Variants in CDH10 observed in about 807,000 individuals in gnomAD.
The protein encoded by CDH10 is cadherin 10, also known as cadherin-10.
In CDH10, 30 loss-of-function variants were observed where a neutral mutation model predicts 73.1. The ratio of observed to expected loss-of-function variants is 0.41; its 90% CI spans 0.31 to 0.56. The LOEUF (loss-of-function observed/expected upper bound fraction) is 0.56, where lower values mean the gene tolerates loss of function less well. CDH10 is among the 20% of genes least tolerant of loss of function. The pLI, the probability that CDH10 is intolerant of heterozygous loss-of-function variation, is 0.27. For synonymous variants in CDH10, 345 were observed against 348.2 expected, an observed-to-expected ratio of 0.99 and a Z score of 0.10; for missense variants, 815 against 973.7, an observed-to-expected ratio of 0.84 and a Z score of 2.17.
At chr5:24,559,834 T>C (rs750737725) in intron 2 of CDH10, among the ~76,000 whole-genome samples, 20 of 152,170 alleles carry the variant, frequency 1.3e-4, no homozygotes, top group Non-Finnish European at 2.4e-4. Flanking sequence ...ATTGAACTGA[T>C]TAAAATGCAA....
chr5:24,623,733 T>C (rs1381844256), intron 1 of CDH10, among the ~76,000 whole-genome samples: 1 of 152,146 alleles, frequency 6.6e-6, no homozygotes, highest in Non-Finnish European at 1.5e-5. Context: ...ACAAAGCAAG[T>C]AGAAGGCAGT....
At chr5:24,510,942 CT>C (rs1382105785) in intron 6 of CDH10, among the ~76,000 whole-genome samples, 1 of 152,148 alleles carries the variant, frequency 6.6e-6, no homozygotes, top group Non-Finnish European at 1.5e-5. Context: ...GCTTCATCAT[CT>C]GGATAGATGG....
chr5:24,544,917 C>T (rs538923627), intron 2 of CDH10, among the ~76,000 whole-genome samples: 1 of 152,144 alleles, frequency 6.6e-6, no homozygotes, highest in Non-Finnish European at 1.5e-5. Context: ...CAGAAACACA[C>T]TTTCACAGGC....
At chr5:24,605,498 T>C (rs971904961) in intron 1 of CDH10, among the ~76,000 whole-genome samples, 10 of 152,198 alleles carry the variant, frequency 6.6e-5, no homozygotes, top group East Asian at 1.9e-4. Context: ...CCTGAAATGA[T>C]TCCCCCAACA....
At chr5:24,559,606 T>G (rs1407189018) in intron 2 of CDH10, among the ~76,000 whole-genome samples, 1 of 152,008 alleles carries the variant, frequency 6.6e-6, no homozygotes, top group Non-Finnish European at 1.5e-5. Context: ...AAAATAGGTT[T>G]GTTCTGATAT....
Position 24,567,368 on chromosome 5 carries a change from T to C in CDH10, c.231+25892A>G, listed in dbSNP as rs373672603. 2.5e-3 allele frequency among the ~76,000 whole-genome samples: 369 copies of C among 148,876 alleles called. 2 individuals are homozygous for C. The highest frequency in any genetic ancestry group is 3.3e-3 in the Non-Finnish European group (225 of 67,328). ...ACACATTTGGAAAAAAAAAAGAAACTGTATGTGCACAAAAGGACCCAAAAT... is the reference window on the plus strand; with the variant it reads ...ACACATTTGGAAAAAAAAAAGAAACCGTATGTGCACAAAAGGACCCAAAAT... On this transcript the variant is annotated intron_variant, in intron 2 of 11. Coordinates refer to ENST00000264463, the MANE Select transcript of CDH10 (RefSeq NM_006727.5).
At chr5:24,576,123 T>C (rs1245743232) in intron 2 of CDH10, among the ~76,000 whole-genome samples, 1 of 152,114 alleles carries the variant, frequency 6.6e-6, no homozygotes, top group Non-Finnish European at 1.5e-5. Flanking sequence ...ATTTTTCTCA[T>C]GTGGAGAGAC....
intron 2 of CDH10, among the ~76,000 whole-genome samples, chr5:24,557,195 G>GT (rs201105617): frequency 0.15 from 8,967 of 60,102 alleles, 507 homozygotes; most frequent in African/African-American, 0.28. Context: ...ATTAACATCA[G>GT]TTTTTTTTAA....
intron 2 of CDH10, among the ~76,000 whole-genome samples, chr5:24,551,201 T>C (rs1295462734): frequency 1.3e-5 from 2 of 152,170 alleles, no homozygotes; most frequent in Non-Finnish European, 2.9e-5. Context: ...CCTCAGCCTT[T>C]TGCATTTACT....
Position 24,537,564 on chromosome 5 carries a change from T to G in CDH10, c.342A>C (p.Thr114=), listed in dbSNP as rs1170023826. Residue 114 remains threonine (T), a synonymous_variant, in exon 3 of 12, where the codon ACA becomes ACC. Transcript: ENST00000264463. ...IDEKTGDIHA[T]RRIDREEKAF... is the part of the protein sequence containing the mutation. ...CCTTTTCCTCCCTATCAATTCGCCT[T>G]GTGGCATGAATATCACCTGTTTTTT... 6.2e-7 allele frequency: 1 copy of G among 1,612,952 alleles called. No individual in the cohort carries two copies. The highest frequency in any genetic ancestry group is 8.5e-7 in the Non-Finnish European group (1 of 1,179,158).
At chr5:24,541,185 T>C (rs1579781744) in intron 2 of CDH10, among the ~76,000 whole-genome samples, 1 of 152,024 alleles carries the variant, frequency 6.6e-6, no homozygotes, top group East Asian at 1.9e-4. Context: ...TCTATTGATA[T>C]TGATGATTTC....
intron 1 of CDH10, among the ~76,000 whole-genome samples, chr5:24,610,928 T>C (rs981018282): frequency 6.6e-6 from 1 of 152,198 alleles, no homozygotes; most frequent in Non-Finnish European, 1.5e-5. Flanking sequence ...GCAATCAGTA[T>C]TTAGTAAAAG....
intron 2 of CDH10, among the ~76,000 whole-genome samples, chr5:24,552,905 A>T (rs1334616871): frequency 6.6e-6 from 1 of 152,078 alleles, no homozygotes; most frequent in Non-Finnish European, 1.5e-5. Flanking sequence ...GACAGATTCC[A>T]AAAGGGACTG....
chr5:24,509,591 G>A lies in CDH10; in HGVS notation c.1231C>T (p.Pro411Ser), dbSNP rs966812667. ...TIIGTVMARD[P>S]DSISSPIRFS... is the part of the protein sequence containing the mutation. ...CTAATGGGGCTGGAAATAGAATCTG[G>A]GTCCCTTGCCATTACAGTACCAATG... Residue 411 changes from proline to serine, a missense_variant, in exon 7 of 12, where the codon CCA becomes TCA. By Grantham distance (74) the Pro-to-Ser change is moderately conservative. Transcript: ENST00000264463. The A allele has an allele frequency of 6.2e-7, 1 of 1,613,812 alleles. No homozygotes were observed. The highest frequency in any genetic ancestry group is 1.1e-5 in the South Asian group (1 of 91,054).
At chr5:24,536,134 T>A (rs1019299735) in intron 3 of CDH10, among the ~76,000 whole-genome samples, 1 of 152,114 alleles carries the variant, frequency 6.6e-6, no homozygotes, top group African/African-American at 2.4e-5. Context: ...TTTCACATAA[T>A]AGATTTGTTT....
rs1165181320 is a variant in CDH10, at chr5:24,508,403, TA to T, written c.1256+1162del. ...GACTCATCTTTCTAGAATGTTCTCA[TA>T]TTTTTTGAAAAAGGCAGAATAAATA... On this transcript the variant is annotated intron_variant, in intron 7 of 11. Coordinates refer to ENST00000264463, the MANE Select transcript of CDH10 (RefSeq NM_006727.5). Among the ~76,000 whole-genome samples, 19 of 152,284 alleles carry T rather than the reference TA, an allele frequency of 1.2e-4. No individual in the cohort carries two copies. The South Asian group carries it at 2.3e-3, about 18-fold the overall frequency.
At chr5:24,501,066 T>C (rs1461527181) in intron 8 of CDH10, among the ~76,000 whole-genome samples, 1 of 152,196 alleles carries the variant, frequency 6.6e-6, no homozygotes, top group Non-Finnish European at 1.5e-5. Flanking sequence ...TGGGAAGGTA[T>C]GCTTCTTCCA....
intron 2 of CDH10, 133 bp downstream of exon 2, chr5:24,593,127 C>T: frequency 2.1e-5 from 12 of 558,774 alleles, no homozygotes; most frequent in South Asian, 5.3e-5. Context: ...ATTCGTGTTC[C>T]ATAAACAAAA....
At chr5:24,585,422 T>TA (rs975393536) in intron 2 of CDH10, among the ~76,000 whole-genome samples, 1 of 152,020 alleles carries the variant, frequency 6.6e-6, no homozygotes, top group Admixed American at 6.6e-5. Flanking sequence ...ACTTTTTCTT[T>TA]AAAAAACAAC....
Sources: allele counts gnomAD v4.1 joint callset (sites outside exome capture counted in the v4.1 genomes callset), GRCh38; gene constraint gnomAD v4.1.1; transcripts MANE v1.5; gene names NCBI Gene and HGNC (gene_info 2026-07-23, HGNC 2026-07-21).